Variants in SH3GLB1 observed in about 807,000 individuals in gnomAD.
SH3GLB1 encodes the protein endophilin-B1.
SH3GLB1 carries 17 observed loss-of-function variants against 42.0 expected under a neutral mutation model. The ratio of observed to expected loss-of-function variants is 0.40; its 90% CI spans 0.28 to 0.61. The LOEUF (loss-of-function observed/expected upper bound fraction) is 0.61. Among genes scored for constraint, SH3GLB1 ranks in the 20% least tolerant of loss-of-function variants. The pLI, the probability that SH3GLB1 is intolerant of heterozygous loss-of-function variation, is 0.36. For synonymous variants in SH3GLB1, 132 were observed against 146.6 expected, an observed-to-expected ratio of 0.90 and a Z score of 0.72; for missense variants, 355 against 426.3, an observed-to-expected ratio of 0.83 and a Z score of 1.47.
intron 5 of SH3GLB1, among the ~76,000 whole-genome samples, chr1:86,727,071 T>G (rs1655239819): frequency 1.3e-5 from 2 of 151,998 alleles, no homozygotes; most frequent in African/African-American, 2.4e-5. Flanking sequence ...CTTTTTAAGT[T>G]CTGTGTTTAC....
chr1:86,746,425 G>A lies in SH3GLB1; in HGVS notation c.*3190G>A, dbSNP rs1269566866. 1 of 152,196 alleles carries A rather than the reference G, an allele frequency of 6.6e-6. No individual in the cohort carries two copies. The highest frequency in any genetic ancestry group is 1.9e-4 in the East Asian group (1 of 5,196). 9.4% of individuals were successfully genotyped at this position (152,196 alleles called of 1,614,324 possible). A position where few individuals can be genotyped will look rare whatever the true frequency, so the allele number is the denominator to read the frequency against. ...TAAGCTTCAGTGAGGTGCTGTAATG[G>A]AGAGATAGCTTCATAGTTTAGCCTA... is the stretch of plus-strand genomic sequence containing the variant. On this transcript the variant is annotated 3_prime_UTR_variant, in exon 9 of 9. Coordinates refer to ENST00000370558, the MANE Select transcript of SH3GLB1 (RefSeq NM_016009.5).
rs910671626 is a variant in SH3GLB1, at chr1:86,742,355, G to A, written c.909G>A (p.Glu303=). ...TSPSNLSDLK[E]CSGSRKARVL... The stretch of plus-strand genomic sequence containing the variant: ...CTTCCAACCTCAGTGACCTTAAGGA[G>A]TGTAGTGGCAGCAGAAAGGCCAGGG... The change falls in exon 8 of 9, where the codon GAG becomes GAA. Residue 303 remains glutamate (E), a synonymous_variant. Transcript: ENST00000370558. 8 of 1,614,140 alleles carry A rather than the reference G, an allele frequency of 5.0e-6. No individual in the cohort carries two copies. Among genetic ancestry groups the A allele is most frequent in the Non-Finnish European group, 6.8e-6 (8 of 1,180,016 alleles).
intron 8 of SH3GLB1, among the ~76,000 whole-genome samples, chr1:86,742,789 A>T (rs1245788168): frequency 6.6e-6 from 1 of 151,842 alleles, no homozygotes; most frequent in Non-Finnish European, 1.5e-5. Context: ...GCGACACCTC[A>T]TCTCTACAAA....
At chr1:86,718,042 GTT>G (rs34852185) in intron 2 of SH3GLB1, among the ~76,000 whole-genome samples, 5 of 139,540 alleles carry the variant, frequency 3.6e-5, no homozygotes, top group Admixed American at 1.4e-4. Context: ...ACACAAAGCT[GTT>G]TTTTTTTTTT....
intron 5 of SH3GLB1, chr1:86,728,418 C>G (rs201765629): frequency 6.4e-6 from 10 of 1,557,446 alleles, no homozygotes; most frequent in Non-Finnish European, 7.0e-6. Flanking sequence ...AAACTCAGCT[C>G]GCCTTGAAGG....
chr1:86,731,405 T>C (rs1019898417), intron 5 of SH3GLB1, among the ~76,000 whole-genome samples: 1 of 152,180 alleles, frequency 6.6e-6, no homozygotes, highest in African/African-American at 2.4e-5. Flanking sequence ...ATTCTGTGAC[T>C]TGGATCTCCA....
intron 1 of SH3GLB1, among the ~76,000 whole-genome samples, chr1:86,707,764 TC>T (rs1653957961): frequency 1.3e-5 from 2 of 150,260 alleles, no homozygotes; most frequent in African/African-American, 4.9e-5. Context: ...ATCTCCTGCC[TC>T]CGTCTTTCAA....
At position 86,715,852 on chromosome 1, in the gene SH3GLB1, G is replaced by T; in HGVS notation, c.201G>T (p.Leu67Phe). The change falls in exon 2 of 9, where the codon TTG (leucine) becomes TTT (phenylalanine). Residue 67 changes from leucine to phenylalanine, a missense_variant. By Grantham distance (22) the Leu-to-Phe change is conservative (BLOSUM62 0). Transcript: ENST00000370558. The stretch of plus-strand genomic sequence containing the variant: ...TAATGAAACAAACTGAAGTGTTATT[G>T]CAGCCAAATCCAAGTAAGAAACTCT... ...EKIMKQTEVL[L>F]QPNPNARIEE... The T allele has an allele frequency of 6.2e-7, 1 of 1,609,738 alleles. No individual in the cohort carries two copies. The highest frequency in any genetic ancestry group is 8.5e-7 in the Non-Finnish European group (1 of 1,179,128).
rs577966485 is a variant in SH3GLB1, at chr1:86,705,149, C to CCCGCTCCTGCCCAACCG, written c.72+186_72+202dup. On this transcript the variant is annotated intron_variant, in intron 1 of 8. Coordinates refer to ENST00000370558, the MANE Select transcript of SH3GLB1 (RefSeq NM_016009.5). ...CCCGGGCCCGGCGGCGGATTTCTGC[C>CCCGCTCCTGCCCAACCG]CCGCTCCTGCCCAACCGCCGCTCCC... 2.8e-3 allele frequency among the ~76,000 whole-genome samples: 433 copies of CCCGCTCCTGCCCAACCG among 152,270 alleles called. 1 individual carries two copies. Among genetic ancestry groups the CCCGCTCCTGCCCAACCG allele is most frequent in the Non-Finnish European group, 4.5e-3 (306 of 68,016 alleles).
chr1:86,742,929 A>G (rs1018251958), intron 8 of SH3GLB1, among the ~76,000 whole-genome samples, 199 bp from the exon 9 acceptor site: 4 of 152,152 alleles, frequency 2.6e-5, no homozygotes, highest in Admixed American at 6.5e-5. Context: ...CTGCTGCACT[A>G]CAGCCTGGGC....
intron 5 of SH3GLB1, among the ~76,000 whole-genome samples, chr1:86,729,065 T>C (rs994456021): frequency 6.6e-6 from 1 of 152,314 alleles, no homozygotes; most frequent in East Asian, 1.9e-4. Context: ...TGTTTTATGG[T>C]ATCCAATGTA....
intron 1 of SH3GLB1, 147 bp downstream of exon 1, chr1:86,705,118 C>T: frequency 3.7e-6 from 2 of 535,660 alleles, no homozygotes; most frequent in Admixed American, 4.3e-5. Context: ...GCGGCCTGGT[C>T]CCCTCCCCGG....
chr1:86,730,017 A>T (rs1655419363), intron 5 of SH3GLB1: 1 of 1,389,458 alleles, frequency 7.2e-7, no homozygotes, highest in East Asian at 2.5e-5. Flanking sequence ...ATATTTTTCT[A>T]TACTAAGTTG....
At chr1:86,727,641 A>G (rs1206365795) in intron 5 of SH3GLB1, among the ~76,000 whole-genome samples, 8 of 152,030 alleles carry the variant, frequency 5.3e-5, no homozygotes, top group African/African-American at 1.9e-4. Flanking sequence ...ATGCATTTCA[A>G]TTATAAGGCA....
At position 86,747,234 on chromosome 1, in the gene SH3GLB1, C is replaced by G. The variant is rs1461119266; in HGVS notation, c.*3999C>G. 6.6e-6 allele frequency: 1 copy of G among 152,618 alleles called. No individual in the cohort carries two copies. The highest frequency in any genetic ancestry group is 1.5e-5 in the Non-Finnish European group (1 of 68,038). The allele number at this position is 152,618 out of a possible 1,614,324, so 9.5% of individuals were successfully genotyped here. A position where few individuals can be genotyped will look rare whatever the true frequency, so the allele number is the denominator to read the frequency against. On this transcript the variant is annotated 3_prime_UTR_variant, in exon 9 of 9. Coordinates refer to ENST00000370558, the MANE Select transcript of SH3GLB1 (RefSeq NM_016009.5). ...TTTGATGGCAGTTACATTCCCAACT[C>G]TTAGCACAAGATCTAGGACATAGTA...
intron 7 of SH3GLB1, among the ~76,000 whole-genome samples, chr1:86,736,738 G>A (rs1655800450): frequency 6.6e-6 from 1 of 152,146 alleles, no homozygotes. Context: ...TAAAACCAGT[G>A]CTACTATTCT....
chr1:86,707,218 A>G (rs1464345099), intron 1 of SH3GLB1, among the ~76,000 whole-genome samples: 1 of 152,222 alleles, frequency 6.6e-6, no homozygotes, highest in African/African-American at 2.4e-5. Flanking sequence ...TATAGATAGG[A>G]TGGTCAGGGC....
rs1656338997 is a variant in SH3GLB1 at position 86,747,008 on chromosome 1, T to TAA, written c.*3774_*3775insAA. 1 of 152,670 alleles carries TAA rather than the reference T, an allele frequency of 6.6e-6. No homozygotes were observed. Among genetic ancestry groups the TAA allele is most frequent in the South Asian group, 2.1e-4 (1 of 4,832 alleles). 9.5% of individuals were successfully genotyped at this position (152,670 alleles called of 1,614,324 possible). A position where few individuals can be genotyped will look rare whatever the true frequency, so the allele number is the denominator to read the frequency against. ...AGAACTTTCTACCTTCATTTTTACT[T>TAA]ATTTTTTGTTTTCAAGGGCTCATGG... On this transcript the variant is annotated 3_prime_UTR_variant, in exon 9 of 9. Transcript: ENST00000370558.
intron 3 of SH3GLB1, 97 bp downstream of exon 3, chr1:86,719,732 A>G: frequency 1.6e-6 from 2 of 1,276,994 alleles, no homozygotes; most frequent in South Asian, 1.5e-5. Context: ...GCAGTGGCTC[A>G]CACCTGTAAT....
Sources: allele counts gnomAD v4.1 joint callset (sites outside exome capture counted in the v4.1 genomes callset), GRCh38; gene constraint gnomAD v4.1.1; transcripts MANE v1.5; gene names NCBI Gene and HGNC (gene_info 2026-07-23, HGNC 2026-07-21).